ASH1L: variants seen among roughly 807,000 people sequenced by gnomAD.
ASH1L encodes the protein ASH1 like histone lysine methyltransferase.
In ASH1L, 23 loss-of-function variants were observed where a neutral mutation model predicts 269.0. That is an observed-to-expected ratio of 0.09 (90% CI 0.06 to 0.12). The LOEUF is 0.12. Ranked by LOEUF, ASH1L falls within the 10% of genes least tolerant of loss-of-function variation. The probability of loss-of-function intolerance (pLI) is 1.00; values close to 1 mark genes in which losing one functional copy is unlikely to be tolerated. For missense variants in ASH1L, 2,912 were observed against 3,567.8 expected, an observed-to-expected ratio of 0.82 and a Z score of 4.68; for synonymous variants, 1,187 against 1,253.5, an observed-to-expected ratio of 0.95 and a Z score of 1.12.
intron 1 of ASH1L, among the ~76,000 whole-genome samples, chr1:155,545,300 T>C (rs1187731271): frequency 1.3e-5 from 2 of 151,618 alleles, no homozygotes; most frequent in African/African-American, 4.8e-5. Flanking sequence ...ACCATCATTT[T>C]AGAAAGTAAT....
intron 2 of ASH1L, among the ~76,000 whole-genome samples, chr1:155,485,501 T>C (rs1666280413): frequency 1.3e-5 from 2 of 152,114 alleles, no homozygotes; most frequent in Admixed American, 6.6e-5. Flanking sequence ...AAGTGGTAAA[T>C]TGCCCTCAGT....
At chr1:155,429,109 G>T (rs935638175) in intron 5 of ASH1L, among the ~76,000 whole-genome samples, 1 of 152,170 alleles carries the variant, frequency 6.6e-6, no homozygotes, top group Non-Finnish European at 1.5e-5. Context: ...ACCTCAAGTT[G>T]AAAATAATCC....
At position 155,479,627 on chromosome 1, in the gene ASH1L, A is replaced by C. The variant is rs1262170467; in HGVS notation, c.3243T>G (p.Ala1081=). 1 of 1,614,224 alleles carries C rather than the reference A, an allele frequency of 6.2e-7. No individual in the cohort carries two copies. Among genetic ancestry groups the C allele is most frequent in the South Asian group, 1.1e-5 (1 of 91,090 alleles). Residue 1081 remains alanine (A), a synonymous_variant, in exon 3 of 28, where the codon GCT becomes GCG. Transcript: ENST00000392403. ...GAAGAATCTGTCCTAATGCTGACCC[A>C]GCTGCCTGTTGAGCTGTTTGCTCAA... ...AVLEQTAQQA[A]GSALGQILPP...
At chr1:155,488,315 A>T (rs1198903591) in intron 2 of ASH1L, among the ~76,000 whole-genome samples, 4 of 151,962 alleles carry the variant, frequency 2.6e-5, no homozygotes, top group Non-Finnish European at 5.9e-5. Context: ...GGTTTCAAAA[A>T]TCTTTTCTTC....
Position 155,478,473 on chromosome 1 carries a change from T to G in ASH1L, c.4397A>C (p.Tyr1466Ser), listed in dbSNP as rs767205521. Residue 1466 changes from tyrosine (Y) to serine (S), a missense_variant, in exon 3 of 28, where the codon TAC (tyrosine) becomes TCC (serine). Transcript: ENST00000392403. The surrounding 1 kb of genome is among the most constrained non-coding windows in gnomAD (Gnocchi z 4.6). ...GGCCATCTCAGGAGGAACACTGGGGTAGGTACTCATGGAAAGGAGGGGAGT... is the reference window on the plus strand; with the variant it reads ...GGCCATCTCAGGAGGAACACTGGGGGAGGTACTCATGGAAAGGAGGGGAGT... ...SRTPLLSMST[Y>S]PSVPPEMAYG... 6.2e-7 allele frequency: 1 copy of G among 1,613,974 alleles called. No individual in the cohort carries two copies. The highest frequency in any genetic ancestry group is 1.1e-5 in the South Asian group (1 of 91,068).
At chr1:155,473,473 T>C (rs879722012) in intron 3 of ASH1L, among the ~76,000 whole-genome samples, 41 of 151,782 alleles carry the variant, frequency 2.7e-4, no homozygotes, top group Admixed American at 2.0e-4. Flanking sequence ...TTAATGCCTA[T>C]ATTTATTGTA....
At chr1:155,373,105 C>T (rs1026109503) in intron 10 of ASH1L, among the ~76,000 whole-genome samples, 4 of 151,426 alleles carry the variant, frequency 2.6e-5, no homozygotes, top group Non-Finnish European at 4.4e-5. Context: ...CCCAGCTACT[C>T]GGGAGGCTGA....
At chr1:155,421,479 T>C (rs944315863) in intron 5 of ASH1L, among the ~76,000 whole-genome samples, 1 of 151,744 alleles carries the variant, frequency 6.6e-6, no homozygotes, top group African/African-American at 2.4e-5. Context: ...GAGACCATCC[T>C]GGCTAACACG....
intron 3 of ASH1L, among the ~76,000 whole-genome samples, chr1:155,466,705 G>C (rs1314283925): frequency 6.6e-6 from 1 of 152,246 alleles, no homozygotes; most frequent in African/African-American, 2.4e-5. Context: ...TCTGTGTCAG[G>C]AACATTTCAA....
At chr1:155,556,324 G>C (rs747438134) in intron 1 of ASH1L, among the ~76,000 whole-genome samples, 1 of 151,794 alleles carries the variant, frequency 6.6e-6, no homozygotes, top group Non-Finnish European at 1.5e-5. Flanking sequence ...ACTGAGCCTG[G>C]GAATTCAAGT....
intron 2 of ASH1L, among the ~76,000 whole-genome samples, chr1:155,483,699 C>G (rs1200290488): frequency 6.6e-6 from 1 of 150,986 alleles, no homozygotes; most frequent in Non-Finnish European, 1.5e-5. Flanking sequence ...CCAAAATGCA[C>G]CACTATTTTA....
intron 4 of ASH1L, among the ~76,000 whole-genome samples, chr1:155,441,068 T>A (rs1662518479): frequency 6.6e-6 from 1 of 152,190 alleles, no homozygotes; most frequent in South Asian, 2.1e-4. Flanking sequence ...TTTCTTCTAC[T>A]ACAGCCATCA....
chr1:155,413,895 G>A (rs1337580452), intron 6 of ASH1L, among the ~76,000 whole-genome samples: 1 of 152,082 alleles, frequency 6.6e-6, no homozygotes, highest in Admixed American at 6.6e-5. Flanking sequence ...GGTTATTTGA[G>A]ATGATTTATT....
At chr1:155,348,438 G>A (rs1476927924) in intron 19 of ASH1L, among the ~76,000 whole-genome samples, 5 of 151,618 alleles carry the variant, frequency 3.3e-5, no homozygotes, top group Non-Finnish European at 5.9e-5. Flanking sequence ...CCTCTCCAAG[G>A]CATGTCAAAA....
rs1653000599 is a variant in ASH1L at position 155,343,726 on chromosome 1, C to A, written c.7998G>T (p.Leu2666=). Residue 2666 remains leucine (L), a synonymous_variant, in exon 23 of 28, where the codon CTG becomes CTT. Transcript: ENST00000392403. This position sits in a 1 kb window ranked among gnomAD's most constrained non-coding sequence, Gnocchi z 6.1. ...CAGGGGTGCGCCGACTATCCCTCATCAGATACACACAGTCACCTAGGAAGA... is the reference window on the plus strand; with the variant it reads ...CAGGGGTGCGCCGACTATCCCTCATAAGATACACACAGTCACCTAGGAAGA... ...LLLRQGDCVY[L]MRDSRRTPDG... is the part of the protein sequence containing the mutation. 1 of 1,613,974 alleles carries A rather than the reference C, an allele frequency of 6.2e-7. No individual in the cohort carries two copies. The highest frequency in any genetic ancestry group is 8.5e-7 in the Non-Finnish European group (1 of 1,180,002).
At chr1:155,530,650 T>C (rs1669612083) in intron 1 of ASH1L, among the ~76,000 whole-genome samples, 1 of 150,658 alleles carries the variant, frequency 6.6e-6, no homozygotes, top group African/African-American at 2.4e-5. Flanking sequence ...GCAGGAGAAC[T>C]GTTTGAACAC....
Position 155,562,408 on chromosome 1 carries a change from C to A in ASH1L, c.-355G>T, listed in dbSNP as rs751643317. ...GATCGTCTCCCCTCCGCAAAGCGAA[C>A]CCAAAATGGCGGCGGGAGCGGCGGC... is the stretch of plus-strand genomic sequence containing the variant. On this transcript the variant is annotated 5_prime_UTR_variant, in exon 1 of 28. Transcript: ENST00000392403. The A allele has an allele frequency of 6.7e-7, 1 of 1,493,568 alleles. No homozygotes were observed. Among genetic ancestry groups the A allele is most frequent in the Non-Finnish European group, 9.1e-7 (1 of 1,100,200 alleles). The allele number at this position is 1,493,568 out of a possible 1,614,324, so 92.5% of individuals were successfully genotyped here.
chr1:155,454,289 T>G (rs1663716043), intron 4 of ASH1L, among the ~76,000 whole-genome samples: 1 of 152,200 alleles, frequency 6.6e-6, no homozygotes, highest in Non-Finnish European at 1.5e-5. Context: ...TTGCTAAATG[T>G]GAATCAACTA....
chr1:155,368,628 T>A (rs1264058047), intron 12 of ASH1L, among the ~76,000 whole-genome samples: 2 of 152,078 alleles, frequency 1.3e-5, no homozygotes, highest in East Asian at 3.9e-4. Flanking sequence ...GGCTAATTTT[T>A]GTATTTTTGG....
Sources: gnomAD v4.1 joint callset for allele counts (sites outside exome capture counted in the v4.1 genomes callset) on GRCh38, gnomAD v4.1.1 for gene constraint, Gnocchi (gnomAD v3.1) non-coding constraint, MANE v1.5 for transcripts, NCBI Gene and HGNC (gene_info 2026-07-23, HGNC 2026-07-21) for gene names.